Variants in CCDC191 observed in about 807,000 individuals in gnomAD.
The protein encoded by CCDC191 is coiled-coil domain containing 191.
In CCDC191, 99 loss-of-function variants were observed where a neutral mutation model predicts 114.0. That is an observed-to-expected ratio of 0.87 (90% CI 0.74 to 1.03). The LOEUF (loss-of-function observed/expected upper bound fraction) is 1.03, where lower values mean the gene tolerates loss of function less well. CCDC191 is among the 50% of genes least tolerant of loss of function. The probability of loss-of-function intolerance (pLI) is 0.00; values close to 1 mark genes in which losing one functional copy is unlikely to be tolerated. For synonymous variants in CCDC191, 351 were observed against 376.0 expected, an observed-to-expected ratio of 0.93 and a Z score of 0.77; for missense variants, 973 against 1,087.0, an observed-to-expected ratio of 0.90 and a Z score of 1.47.
At chr3:114,001,170 CA>C (rs2075848413) in intron 13 of CCDC191, among the ~76,000 whole-genome samples, 1 of 152,170 alleles carries the variant, frequency 6.6e-6, no homozygotes, top group Non-Finnish European at 1.5e-5. Context: ...TCATTAAACA[CA>C]TATCTGCTGG....
At chr3:114,051,627 G>C (rs1463585254) in intron 2 of CCDC191, among the ~76,000 whole-genome samples, 1 of 152,174 alleles carries the variant, frequency 6.6e-6, no homozygotes, top group Non-Finnish European at 1.5e-5. Flanking sequence ...CAGTGCCACT[G>C]AGAAATCTTC....
intron 1 of CCDC191, among the ~76,000 whole-genome samples, chr3:114,054,398 C>CT: frequency 6.6e-6 from 1 of 152,162 alleles, no homozygotes; most frequent in African/African-American, 2.4e-5. Context: ...TTTGGGAGGC[C>CT]AAGGCGGGCA....
chr3:113,978,540 T>A (rs1003700171), intron 15 of CCDC191: 2 of 612,284 alleles, frequency 3.3e-6, no homozygotes, highest in Non-Finnish European at 5.6e-6. Flanking sequence ...GAAACAGTTA[T>A]AAGATTGAAG....
chr3:113,978,172 T>C lies in CCDC191; in HGVS notation c.2606+14A>G, dbSNP rs781573009. ...AAGTCAGAGAGTGAATTTTCCTCAC[T>C]ATCAAAACCTCACCTGTCACTGTGC... On this transcript the variant is annotated intron_variant, in intron 16 of 16. Coordinates refer to ENST00000295878, the MANE Select transcript of CCDC191 (RefSeq NM_020817.2). The C allele has an allele frequency of 3.9e-5, 63 of 1,613,696 alleles. No homozygotes were observed. The highest frequency in any genetic ancestry group is 5.2e-5 in the Non-Finnish European group (61 of 1,179,732).
chr3:113,981,822 A>G (rs1394339886), intron 13 of CCDC191, among the ~76,000 whole-genome samples: 1 of 152,174 alleles, frequency 6.6e-6, no homozygotes, highest in Non-Finnish European at 1.5e-5. Flanking sequence ...GCTCTGAAAA[A>G]TGAAATGTCC....
In CCDC191 at chr3:114,031,622, C is replaced by T; in HGVS notation, c.972+4G>A. 3 of 1,606,128 alleles carry T rather than the reference C, an allele frequency of 1.9e-6. No homozygotes were observed. Among genetic ancestry groups the T allele is most frequent in the Non-Finnish European group, 2.6e-6 (3 of 1,173,224 alleles). Reference sequence around the variant, plus strand: ...GCTGAGTAAAGAGACATTGCAATTCCCACCTGTTGATTTTCTTTGAAAGTT... The same window carrying T: ...GCTGAGTAAAGAGACATTGCAATTCTCACCTGTTGATTTTCTTTGAAAGTT... On this transcript the variant is annotated splice_donor_region_variant and intron_variant, in intron 7 of 16. Transcript: ENST00000295878.
At chr3:113,996,797 C>T (rs1232676727) in intron 13 of CCDC191, among the ~76,000 whole-genome samples, 1 of 149,572 alleles carries the variant, frequency 6.7e-6, no homozygotes, top group East Asian at 2.0e-4. Context: ...TGCATGTTCT[C>T]ACTCATAAGT....
intron 13 of CCDC191, among the ~76,000 whole-genome samples, chr3:113,989,913 G>A (rs960773020): frequency 1.3e-5 from 2 of 152,284 alleles, no homozygotes; most frequent in East Asian, 3.9e-4. Flanking sequence ...CTTGAGCCCA[G>A]GAGTTTGAGG....
chr3:114,018,786 T>C lies in CCDC191; in HGVS notation c.1055A>G (p.Asp352Gly). 1.2e-6 allele frequency: 2 copies of C among 1,613,914 alleles called. No individual in the cohort carries two copies. The highest frequency in any genetic ancestry group is 2.7e-5 in the African/African-American group (2 of 75,006). The change falls in exon 8 of 17, where the codon GAC becomes GGC. Residue 352 changes from aspartate to glycine, a missense_variant. Asp to Gly is a moderately conservative substitution (Grantham distance 94). Coordinates refer to ENST00000295878, the MANE Select transcript of CCDC191 (RefSeq NM_020817.2). Reference protein sequence around the residue: ...IKLGKAGTLSDWKIQLKVLRA... With the variant: ...IKLGKAGTLSGWKIQLKVLRA... ...CAGGACCTTCAGCTGAATCTTCCAGTCAGACAGGGTCCCAGCTTTCCCCAG... is the reference window on the plus strand; with the variant it reads ...CAGGACCTTCAGCTGAATCTTCCAGCCAGACAGGGTCCCAGCTTTCCCCAG...
chr3:113,975,849 G>A (rs1941289239), intron 16 of CCDC191, among the ~76,000 whole-genome samples: 1 of 152,200 alleles, frequency 6.6e-6, no homozygotes, highest in Admixed American at 6.5e-5. Flanking sequence ...TCACAGCAAT[G>A]CTTTTATATC....
intron 8 of CCDC191, among the ~76,000 whole-genome samples, chr3:114,015,125 G>A (rs2076137694): frequency 6.6e-6 from 1 of 151,940 alleles, no homozygotes; most frequent in Non-Finnish European, 1.5e-5. Context: ...TCCCACTTTG[G>A]GCACTGTTTC....
chr3:114,010,857 C>G lies in CCDC191; in HGVS notation c.1328G>C (p.Gly443Ala). The change falls in exon 9 of 17, where the codon GGG becomes GCG. Residue 443 changes from glycine to alanine, a missense_variant. Gly to Ala is a moderately conservative substitution (Grantham distance 60). Transcript: ENST00000295878. ...TGATAACCCATTGGCACTGAGTTTC[C>G]CCAGTGATGCTGCCTGCAGCAGTGC... ...MDALLQAASL[G>A]KLSANGLSGI... 6.2e-7 allele frequency: 1 copy of G among 1,614,080 alleles called. No individual in the cohort carries two copies. The highest frequency in any genetic ancestry group is 1.1e-5 in the South Asian group (1 of 91,086).
At chr3:114,038,998 G>A (rs1457134626) in intron 4 of CCDC191, among the ~76,000 whole-genome samples, 5 of 151,582 alleles carry the variant, frequency 3.3e-5, no homozygotes, top group Admixed American at 6.6e-5. Flanking sequence ...GTAACAAACC[G>A]GTACATCCTG....
chr3:113,980,646 G>A lies in CCDC191; in HGVS notation c.2307+4C>T, dbSNP rs1399281038. The A allele has an allele frequency of 1.9e-6, 3 of 1,585,946 alleles. No homozygotes were observed. The highest frequency in any genetic ancestry group is 3.9e-5 in the Admixed American group (2 of 51,478). On this transcript the variant is annotated splice_donor_region_variant and intron_variant, in intron 14 of 16. Coordinates refer to ENST00000295878, the MANE Select transcript of CCDC191 (RefSeq NM_020817.2). ...ATCTGGGGGATAACAGTGGGACAGT[G>A]TACCTGGATGTTTTGTTTGCTTTGC...
intron 3 of CCDC191, among the ~76,000 whole-genome samples, chr3:114,044,052 G>T (rs1023183903): frequency 2.6e-5 from 4 of 152,086 alleles, no homozygotes; most frequent in Non-Finnish European, 4.4e-5. Flanking sequence ...AAATAGGGAT[G>T]TCAAATATGG....
chr3:113,970,821 G>A (rs1486358666), intron 16 of CCDC191, among the ~76,000 whole-genome samples: 4 of 151,854 alleles, frequency 2.6e-5, no homozygotes, highest in African/African-American at 7.3e-5. Flanking sequence ...TGCGGTGTTT[G>A]GGTTTTTGTC....
intron 2 of CCDC191, among the ~76,000 whole-genome samples, chr3:114,047,989 G>T (rs2076652841): frequency 6.6e-6 from 1 of 151,978 alleles, no homozygotes. Context: ...GAAAAAAAAT[G>T]TTAAAACTTA....
chr3:113,989,241 C>T (rs1319132239), intron 13 of CCDC191, among the ~76,000 whole-genome samples: 1 of 152,124 alleles, frequency 6.6e-6, no homozygotes, highest in African/African-American at 2.4e-5. Context: ...TAGAAGCAGG[C>T]ACAAAATCAG....
At position 114,010,895 on chromosome 3, in the gene CCDC191, C is replaced by T. The variant is rs1399792586; in HGVS notation, c.1290G>A (p.Arg430=). The T allele has an allele frequency of 1.9e-6, 3 of 1,613,988 alleles. No homozygotes were observed. In the African/African-American group the frequency reaches 4.0e-5, roughly 22 times the overall value. ...CCTGCAGCAGTGCATCCATCTTCTT[C>T]CTAGTTTCCTCTTTTGTGAGAGCCA... is the stretch of plus-strand genomic sequence containing the variant. The part of the protein sequence containing the change: ...RELALTKEET[R]KKMDALLQAA... The change falls in exon 9 of 17, where the codon AGG becomes AGA. Residue 430 remains arginine (R), a synonymous_variant. Coordinates refer to ENST00000295878, the MANE Select transcript of CCDC191 (RefSeq NM_020817.2).
Sources: allele counts gnomAD v4.1 joint callset (sites outside exome capture counted in the v4.1 genomes callset), GRCh38; gene constraint gnomAD v4.1.1; transcripts MANE v1.5; gene names NCBI Gene and HGNC (gene_info 2026-07-23, HGNC 2026-07-21).